The following MARCHF4 variants were observed in gnomAD, a reference collection of about 807,000 sequenced individuals.
MARCHF4 encodes E3 ubiquitin-protein ligase MARCHF4.
A neutral mutation model predicts 43.9 loss-of-function variants in MARCHF4; 14 were observed. The ratio of observed to expected loss-of-function variants is 0.32; its 90% CI spans 0.21 to 0.50. MARCHF4 has a LOEUF of 0.50. Ranked by LOEUF, MARCHF4 falls within the 20% of genes least tolerant of loss-of-function variation. The pLI is 0.98. For synonymous variants in MARCHF4, 226 were observed against 213.3 expected, an observed-to-expected ratio of 1.06 and a Z score of -0.52; for missense variants, 468 against 536.7, an observed-to-expected ratio of 0.87 and a Z score of 1.27.
intron 1 of MARCHF4, among the ~76,000 whole-genome samples, chr2:216,313,858 G>A (rs1691729454): frequency 6.6e-6 from 1 of 152,142 alleles, no homozygotes; most frequent in East Asian, 1.9e-4. Flanking sequence ...ATTAATTAAG[G>A]ATCCACTCTA....
Position 216,370,077 on chromosome 2 carries a change from G to T in MARCHF4, c.184C>A (p.Leu62Met). The T allele has an allele frequency of 6.3e-7, 1 of 1,577,024 alleles. No individual in the cohort carries two copies. Among genetic ancestry groups the T allele is most frequent in the Non-Finnish European group, 8.6e-7 (1 of 1,161,562 alleles). The change falls in exon 1 of 4, where the codon CTG becomes ATG. Residue 62 changes from leucine (L) to methionine (M), a missense_variant. Transcript: ENST00000273067. ...FLLRRPPQAP[L>M]PMHGDPQPPG... ...GGCTGGGGGTCGCCGTGCATGGGCA[G>T]GGGCGCTTGAGGAGGGCGCCGCAGT... is the stretch of plus-strand genomic sequence containing the variant.
intron 1 of MARCHF4, among the ~76,000 whole-genome samples, chr2:216,329,329 C>A (rs560033557): frequency 1.3e-5 from 2 of 152,020 alleles, no homozygotes; most frequent in African/African-American, 4.8e-5. Context: ...TGCAGTGAGC[C>A]GAGATGGCGC....
At chr2:216,354,907 C>CTTTCT (rs1692462674) in intron 1 of MARCHF4, among the ~76,000 whole-genome samples, 2 of 68,186 alleles carry the variant, frequency 2.9e-5, no homozygotes, top group African/African-American at 1.4e-4. Flanking sequence ...TTCTTTCTTT[C>CTTTCT]TTTCTTTCTT....
At chr2:216,305,240 T>A (rs1691564726) in intron 1 of MARCHF4, among the ~76,000 whole-genome samples, 1 of 152,176 alleles carries the variant, frequency 6.6e-6, no homozygotes, top group Non-Finnish European at 1.5e-5. Flanking sequence ...TCTGGTGATG[T>A]GTGTCTGTAT....
intron 1 of MARCHF4, among the ~76,000 whole-genome samples, chr2:216,368,502 A>T (rs921797068): frequency 6.6e-6 from 1 of 152,240 alleles, no homozygotes; most frequent in African/African-American, 2.4e-5. Context: ...CTGTAGCTCC[A>T]GGGATCACTG....
chr2:216,350,719 C>A (rs1373131232), intron 1 of MARCHF4, among the ~76,000 whole-genome samples: 2 of 152,188 alleles, frequency 1.3e-5, no homozygotes, highest in Non-Finnish European at 2.9e-5. Context: ...TCTAAGCATG[C>A]CCCTCCCTGT....
chr2:216,290,872 G>A (rs2105944729), intron 1 of MARCHF4, among the ~76,000 whole-genome samples: 1 of 152,284 alleles, frequency 6.6e-6, no homozygotes, highest in Non-Finnish European at 1.5e-5. Flanking sequence ...TGAAGGAGTT[G>A]CAGGTTTGGA....
chr2:216,271,957 ATTT>A (rs57629851), intron 3 of MARCHF4, among the ~76,000 whole-genome samples: 85 of 100,578 alleles, frequency 8.5e-4, no homozygotes, highest in South Asian at 1.9e-3. Flanking sequence ...CACCTGGCTA[ATTT>A]TTTTTTTTTT....
At chr2:216,347,437 A>T (rs1193127488) in intron 1 of MARCHF4, among the ~76,000 whole-genome samples, 1 of 152,234 alleles carries the variant, frequency 6.6e-6, no homozygotes, top group African/African-American at 2.4e-5. Context: ...TTGAACTGAG[A>T]TGGTGGCAGT....
rs185875526 is a variant in MARCHF4, at chr2:216,342,152, A to G, written c.516+27593T>C. Among the ~76,000 whole-genome samples, 3 of 152,334 alleles carry G rather than the reference A, an allele frequency of 2.0e-5. No homozygotes were observed. The East Asian group carries it at 5.8e-4, about 29-fold the overall frequency. On this transcript the variant is annotated intron_variant, in intron 1 of 3. Coordinates refer to ENST00000273067, the MANE Select transcript of MARCHF4 (RefSeq NM_020814.3). The stretch of plus-strand genomic sequence containing the variant: ...TTTGTTTACATAGCCAGACTAGGCC[A>G]AAGAAAATGTATCTTTGCCCATATG...
chr2:216,302,326 C>G (rs1691503571), intron 1 of MARCHF4, among the ~76,000 whole-genome samples: 1 of 151,842 alleles, frequency 6.6e-6, no homozygotes, highest in Non-Finnish European at 1.5e-5. Context: ...TCACTCCATT[C>G]TCCTGCCTCA....
chr2:216,260,585 G>A (rs1263115771), intron 3 of MARCHF4, among the ~76,000 whole-genome samples: 2 of 152,202 alleles, frequency 1.3e-5, no homozygotes, highest in Non-Finnish European at 2.9e-5. Flanking sequence ...AGCTGGGAAT[G>A]GAATGAACAA....
intron 1 of MARCHF4, among the ~76,000 whole-genome samples, chr2:216,367,013 C>CTTGCTG (rs1692676564): frequency 6.6e-6 from 1 of 152,200 alleles, no homozygotes; most frequent in Non-Finnish European, 1.5e-5. Flanking sequence ...GCTGGATTCT[C>CTTGCTG]TTGCTGTTCC....
chr2:216,278,965 T>G (rs1559088106), intron 2 of MARCHF4, among the ~76,000 whole-genome samples: 3 of 152,240 alleles, frequency 2.0e-5, no homozygotes, highest in Admixed American at 2.0e-4. Context: ...ATTTTCTATG[T>G]GCTGGCCACT....
At chr2:216,349,017 G>T (rs1692361232) in intron 1 of MARCHF4, among the ~76,000 whole-genome samples, 1 of 152,096 alleles carries the variant, frequency 6.6e-6, no homozygotes, top group Non-Finnish European at 1.5e-5. Flanking sequence ...ACACCGAGAA[G>T]ACATCAGTGA....
chr2:216,334,038 G>A (rs1032930755), intron 1 of MARCHF4, among the ~76,000 whole-genome samples: 5 of 151,546 alleles, frequency 3.3e-5, no homozygotes, highest in African/African-American at 4.9e-5. Flanking sequence ...AAAGATGCCC[G>A]TATCCTAAAC....
intron 1 of MARCHF4, among the ~76,000 whole-genome samples, chr2:216,355,858 AC>A (rs1692493788): frequency 6.6e-6 from 1 of 152,126 alleles, no homozygotes; most frequent in East Asian, 1.9e-4. Context: ...TTTCATGCAG[AC>A]CCAGCCTATT....
chr2:216,286,059 G>A (rs533373849), intron 1 of MARCHF4, among the ~76,000 whole-genome samples: 10 of 152,300 alleles, frequency 6.6e-5, no homozygotes, highest in East Asian at 5.8e-4. Context: ...GGAGCCCCCT[G>A]AGCCTCAGCA....
chr2:216,331,489 C>A (rs1692080573), intron 1 of MARCHF4, among the ~76,000 whole-genome samples: 1 of 151,890 alleles, frequency 6.6e-6, no homozygotes, highest in African/African-American at 2.4e-5. Flanking sequence ...TCTATGAAGC[C>A]AATATAATTT....
Sources: allele counts gnomAD v4.1 joint callset (sites outside exome capture counted in the v4.1 genomes callset), GRCh38; gene constraint gnomAD v4.1.1; transcripts MANE v1.5; gene names NCBI Gene and HGNC (gene_info 2026-07-23, HGNC 2026-07-21).